KCNQ5: variants seen among roughly 807,000 people sequenced by gnomAD.
KCNQ5 encodes the protein potassium voltage-gated channel subfamily KQT member 5.
KCNQ5 carries 30 observed loss-of-function variants against 98.2 expected under a neutral mutation model. The observed-to-expected ratio is 0.31, with a 90% CI of 0.23 to 0.41. The LOEUF (loss-of-function observed/expected upper bound fraction) is 0.41, where lower values mean the gene tolerates loss of function less well. Among genes scored for constraint, KCNQ5 ranks in the 10% least tolerant of loss-of-function variants. The probability of loss-of-function intolerance (pLI) is 1.00; values close to 1 mark genes in which losing one functional copy is unlikely to be tolerated. For missense variants in KCNQ5, 835 were observed against 1,182.5 expected (o/e 0.71, Z 4.31); for synonymous variants, 458 against 449.4 (o/e 1.02, Z -0.24).
chr6:72,823,021 T>C (rs1775825756), intron 1 of KCNQ5, among the ~76,000 whole-genome samples: 2 of 152,120 alleles, frequency 1.3e-5, no homozygotes, highest in African/African-American at 4.8e-5. Flanking sequence ...CTTGATCATA[T>C]AGGATAATCA....
At chr6:73,125,771 ATCT>A (rs1775957660) in intron 9 of KCNQ5, among the ~76,000 whole-genome samples, 1 of 152,176 alleles carries the variant, frequency 6.6e-6, no homozygotes, top group African/African-American at 2.4e-5. Context: ...CATCAGGCAC[ATCT>A]TCTGCGTAGG....
intron 1 of KCNQ5, among the ~76,000 whole-genome samples, chr6:72,869,156 G>T (rs916429205): frequency 1.3e-5 from 2 of 151,980 alleles, no homozygotes; most frequent in Admixed American, 6.6e-5. Context: ...TAAAAAGAAA[G>T]AAACAATGTC....
chr6:72,872,430 A>C (rs979939506), intron 1 of KCNQ5, among the ~76,000 whole-genome samples: 6 of 152,202 alleles, frequency 3.9e-5, no homozygotes, highest in African/African-American at 1.4e-4. Context: ...AGTCTCAGCA[A>C]AAAACAAAAT....
At chr6:72,945,028 A>G (rs1488277819) in intron 1 of KCNQ5, among the ~76,000 whole-genome samples, 1 of 152,150 alleles carries the variant, frequency 6.6e-6, no homozygotes, top group Non-Finnish European at 1.5e-5. Flanking sequence ...AAAAATTCAT[A>G]TTCTGCTACT....
At chr6:73,111,068 G>A (rs930260544) in intron 6 of KCNQ5, among the ~76,000 whole-genome samples, 6 of 152,156 alleles carry the variant, frequency 3.9e-5, no homozygotes, top group African/African-American at 1.2e-4. Context: ...AAATGACAAT[G>A]CCTAATTGAC....
chr6:72,746,103 A>G (rs954378553), intron 1 of KCNQ5, among the ~76,000 whole-genome samples: 2 of 122,568 alleles, frequency 1.6e-5, no homozygotes, highest in Non-Finnish European at 3.4e-5. Context: ...AAAAAAAAAA[A>G]AGGGTCACAT....
intron 1 of KCNQ5, among the ~76,000 whole-genome samples, chr6:72,886,896 A>G (rs886196575): frequency 6.6e-6 from 1 of 152,180 alleles, no homozygotes; most frequent in African/African-American, 2.4e-5. Context: ...TTACCCAGAA[A>G]CCCTCACATG....
At chr6:72,792,073 TA>T (rs1774081126) in intron 1 of KCNQ5, among the ~76,000 whole-genome samples, 1 of 152,246 alleles carries the variant, frequency 6.6e-6, no homozygotes, top group Non-Finnish European at 1.5e-5. Context: ...GCCATGAGTG[TA>T]AAATCTTGAT....
chr6:73,183,325 T>C (rs931304089), intron 11 of KCNQ5, among the ~76,000 whole-genome samples: 2 of 152,192 alleles, frequency 1.3e-5, no homozygotes, highest in Non-Finnish European at 2.9e-5. Context: ...GAGCTTTACT[T>C]GACCCAAATG....
chr6:72,814,493 G>A (rs1775402951), intron 1 of KCNQ5, among the ~76,000 whole-genome samples: 1 of 152,158 alleles, frequency 6.6e-6, no homozygotes. Flanking sequence ...CCTGTAAAGA[G>A]CAACGCCCGA....
intron 1 of KCNQ5, among the ~76,000 whole-genome samples, chr6:72,929,620 TGTACATAAA>T (rs1242373076): frequency 3.3e-5 from 5 of 152,098 alleles, no homozygotes; most frequent in African/African-American, 7.2e-5. Context: ...TAAAGTACAA[TGTACATAAA>T]GTACATAAAG....
chr6:72,961,338 C>T (rs977471546), intron 1 of KCNQ5, among the ~76,000 whole-genome samples: 1 of 151,922 alleles, frequency 6.6e-6, no homozygotes, highest in Non-Finnish European at 1.5e-5. Flanking sequence ...GACTGGAGGC[C>T]GGGTGCGGTG....
chr6:72,733,788 G>A (rs1043847597), intron 1 of KCNQ5, among the ~76,000 whole-genome samples: 7 of 152,204 alleles, frequency 4.6e-5, no homozygotes, highest in Admixed American at 3.9e-4. Context: ...TTTCTAATGG[G>A]TAATTGAGGA....
chr6:72,880,027 A>G (rs1247489833), intron 1 of KCNQ5, among the ~76,000 whole-genome samples: 1 of 152,080 alleles, frequency 6.6e-6, no homozygotes, highest in Non-Finnish European at 1.5e-5. Flanking sequence ...CTTAATTGTT[A>G]TGTCTAATCT....
chr6:72,901,639 T>C (rs1485326056), intron 1 of KCNQ5, among the ~76,000 whole-genome samples: 2 of 152,204 alleles, frequency 1.3e-5, no homozygotes, highest in African/African-American at 4.8e-5. Flanking sequence ...GTTTGCTTTG[T>C]CAAAGATCAG....
chr6:72,898,994 A>G (rs542159188), intron 1 of KCNQ5, among the ~76,000 whole-genome samples: 1 of 152,282 alleles, frequency 6.6e-6, no homozygotes, highest in African/African-American at 2.4e-5. Flanking sequence ...CTGTCTGTTC[A>G]TGTCCTTTGC....
intron 1 of KCNQ5, among the ~76,000 whole-genome samples, chr6:72,913,636 T>A (rs1780026960): frequency 6.6e-6 from 1 of 152,240 alleles, no homozygotes; most frequent in African/African-American, 2.4e-5. Context: ...AACAGTTGTG[T>A]AAAGTCTATC....
intron 1 of KCNQ5, among the ~76,000 whole-genome samples, chr6:72,905,939 T>C (rs990908266): frequency 6.6e-6 from 1 of 152,116 alleles, no homozygotes; most frequent in African/African-American, 2.4e-5. Flanking sequence ...GAACCAGTGG[T>C]GGACAGGGCC....
At chr6:73,103,261 T>C (rs1774862695) in intron 5 of KCNQ5, among the ~76,000 whole-genome samples, 1 of 152,032 alleles carries the variant, frequency 6.6e-6, no homozygotes, top group Admixed American at 6.6e-5. Flanking sequence ...CAGTTAAGGA[T>C]TAAGAAAATG....
Sources: allele counts gnomAD v4.1 joint callset (sites outside exome capture counted in the v4.1 genomes callset), GRCh38; gene constraint gnomAD v4.1.1; transcripts MANE v1.5; gene names NCBI Gene and HGNC (gene_info 2026-07-23, HGNC 2026-07-21).